Variants in NKAIN2 observed in about 807,000 individuals in gnomAD.
NKAIN2 encodes sodium/potassium transporting ATPase interacting 2.
Under a neutral mutation model 32.6 loss-of-function variants are expected in NKAIN2, and 14 were observed. The observed-to-expected ratio is 0.43, with a 90% CI of 0.28 to 0.67. The LOEUF (loss-of-function observed/expected upper bound fraction) is 0.67, where lower values mean the gene tolerates loss of function less well. NKAIN2 is among the 30% of genes least tolerant of loss of function. NKAIN2 has a pLI of 0.17. For synonymous variants in NKAIN2, 80 were observed against 87.2 expected, an observed-to-expected ratio of 0.92 and a Z score of 0.46; for missense variants, 198 against 258.3, an observed-to-expected ratio of 0.77 and a Z score of 1.60.
At chr6:124,301,738 G>C (rs1269612666) in intron 2 of NKAIN2, among the ~76,000 whole-genome samples, 1 of 152,198 alleles carries the variant, frequency 6.6e-6, no homozygotes, top group African/African-American at 2.4e-5. Context: ...CATGGGGCCT[G>C]TAGCCCCTTC....
At chr6:123,818,354 A>AACACACACACAC (rs36066775) in intron 1 of NKAIN2, among the ~76,000 whole-genome samples, 2 of 144,508 alleles carry the variant, frequency 1.4e-5, no homozygotes, top group Non-Finnish European at 3.1e-5. Flanking sequence ...TTCTTGTGGA[A>AACACACACACAC]ACACACACAC....
At chr6:124,562,033 C>G (rs1261144230) in intron 3 of NKAIN2, among the ~76,000 whole-genome samples, 1 of 152,158 alleles carries the variant, frequency 6.6e-6, no homozygotes, top group Non-Finnish European at 1.5e-5. Flanking sequence ...ATTTAAGTCT[C>G]CGAAATCTGG....
intron 2 of NKAIN2, among the ~76,000 whole-genome samples, chr6:124,342,578 G>A (rs1798179317): frequency 6.6e-6 from 1 of 151,664 alleles, no homozygotes; most frequent in Admixed American, 6.6e-5. Flanking sequence ...GATGATCTTG[G>A]CTCACTGCAA....
chr6:124,336,083 T>C (rs989655379), intron 2 of NKAIN2, among the ~76,000 whole-genome samples: 1 of 152,146 alleles, frequency 6.6e-6, no homozygotes, highest in African/African-American at 2.4e-5. Context: ...ATAATTCACT[T>C]TTACATATTA....
At chr6:124,756,891 T>C (rs1777990602) in intron 4 of NKAIN2, among the ~76,000 whole-genome samples, 1 of 152,176 alleles carries the variant, frequency 6.6e-6, no homozygotes, top group East Asian at 1.9e-4. Context: ...ATTTAAGTGT[T>C]AGAAGACATT....
intron 1 of NKAIN2, among the ~76,000 whole-genome samples, chr6:124,226,962 G>A (rs1262698226): frequency 6.6e-6 from 1 of 151,828 alleles, no homozygotes; most frequent in Non-Finnish European, 1.5e-5. Flanking sequence ...TAGAAATAGA[G>A]TATTTATAAC....
At chr6:124,437,908 G>T in intron 3 of NKAIN2, 1 of 391,860 alleles carries the variant, frequency 2.6e-6, no homozygotes, top group Non-Finnish European at 5.0e-6. Flanking sequence ...CCCAGGTAAC[G>T]GTCTGATGGT....
rs150779614 is a variant in NKAIN2, at chr6:123,833,374, G to A, written c.54+29120G>A. On this transcript the variant is annotated intron_variant, in intron 1 of 6. Coordinates refer to ENST00000368417, the MANE Select transcript of NKAIN2 (RefSeq NM_001040214.3). ...GCAGTACTGAAGCTGGGTGGTGTCA[G>A]TCCTCTCATCTTCAATATTGTGTTG... 1.1e-3 allele frequency among the ~76,000 whole-genome samples: 170 copies of A among 152,220 alleles called. 3 individuals carry two copies. The highest frequency in any genetic ancestry group is 4.0e-3 in the African/African-American group (164 of 41,518).
At chr6:123,947,994 A>G (rs1777148314) in intron 1 of NKAIN2, among the ~76,000 whole-genome samples, 1 of 152,092 alleles carries the variant, frequency 6.6e-6, no homozygotes, top group South Asian at 2.1e-4. Context: ...TAGATTCCAT[A>G]TATGAGTGAG....
chr6:124,712,405 C>G (rs1479951229), intron 4 of NKAIN2, among the ~76,000 whole-genome samples: 1 of 116,242 alleles, frequency 8.6e-6, no homozygotes, highest in Non-Finnish European at 1.8e-5. Context: ...TGGCGGGCGC[C>G]CCTCCCCCAG....
chr6:124,029,698 C>A (rs190189258), intron 1 of NKAIN2, among the ~76,000 whole-genome samples: 22 of 152,248 alleles, frequency 1.4e-4, no homozygotes, highest in African/African-American at 5.1e-4. Context: ...CCCCAGGTCA[C>A]AGACTAGGAC....
chr6:124,372,564 G>T (rs1385663345), intron 3 of NKAIN2, among the ~76,000 whole-genome samples: 1 of 152,074 alleles, frequency 6.6e-6, no homozygotes, highest in African/African-American at 2.4e-5. Context: ...ACACTGAAAT[G>T]TTCTCTTTAG....
rs186474711 is a variant in NKAIN2 at position 124,280,876 on chromosome 6, A to C, written c.55-2129A>C. 4.6e-5 allele frequency among the ~76,000 whole-genome samples: 7 copies of C among 152,338 alleles called. No homozygotes were observed. The East Asian group carries it at 1.4e-3, about 29-fold the overall frequency. On this transcript the variant is annotated intron_variant, in intron 1 of 6. Coordinates refer to ENST00000368417, the MANE Select transcript of NKAIN2 (RefSeq NM_001040214.3). ...TGATCCCTAATAGGGCTAATCAAAAAGGGGAAAAAGGCAGAAATATTATAT... is the reference window on the plus strand; with the variant it reads ...TGATCCCTAATAGGGCTAATCAAAACGGGGAAAAAGGCAGAAATATTATAT...
rs1784272945 is a variant in NKAIN2, at chr6:124,088,235, CA to C, written c.55-194769del. On this transcript the variant is annotated intron_variant, in intron 1 of 6. Transcript: ENST00000368417. ...GAGTTTCAGACCAGCCTGGGTAACA[CA>C]GTAAGATTCCATCTCTACAAAATAA... 2.6e-5 allele frequency among the ~76,000 whole-genome samples: 4 copies of C among 151,736 alleles called. 1 individual carries two copies. The South Asian group carries it at 8.3e-4, about 32-fold the overall frequency.
chr6:124,609,680 T>C (rs549924986), intron 3 of NKAIN2, among the ~76,000 whole-genome samples: 1 of 152,138 alleles, frequency 6.6e-6, no homozygotes, highest in Non-Finnish European at 1.5e-5. Context: ...CATTTTTTTT[T>C]CACTTTTACA....
intron 1 of NKAIN2, among the ~76,000 whole-genome samples, chr6:123,911,268 C>T (rs1024865177): frequency 3.3e-5 from 5 of 152,138 alleles, no homozygotes; most frequent in African/African-American, 1.2e-4. Flanking sequence ...ATTTATTTGG[C>T]TCATGCTTCT....
chr6:124,433,188 G>A (rs1364281323), intron 3 of NKAIN2, among the ~76,000 whole-genome samples: 1 of 152,188 alleles, frequency 6.6e-6, no homozygotes, highest in Non-Finnish European at 1.5e-5. Flanking sequence ...GGCGGTGGAA[G>A]CACTGAATTG....
At chr6:124,208,280 T>C (rs528536194) in intron 1 of NKAIN2, among the ~76,000 whole-genome samples, 36 of 152,080 alleles carry the variant, frequency 2.4e-4, no homozygotes, top group African/African-American at 8.2e-4. Context: ...AGATTTAGTA[T>C]AGCCCCTGGA....
chr6:124,099,544 C>T (rs529033732), intron 1 of NKAIN2, among the ~76,000 whole-genome samples: 1 of 152,202 alleles, frequency 6.6e-6, no homozygotes, highest in Non-Finnish European at 1.5e-5. Context: ...TTTTTGAAAA[C>T]ATTAAAAGTC....
Sources: allele counts gnomAD v4.1 joint callset (sites outside exome capture counted in the v4.1 genomes callset), GRCh38; gene constraint gnomAD v4.1.1; transcripts MANE v1.5; gene names NCBI Gene and HGNC (gene_info 2026-07-23, HGNC 2026-07-21).